Variants in CFTR observed in about 807,000 individuals in gnomAD.
CFTR encodes the protein cystic fibrosis transmembrane conductance regulator.
CFTR carries 181 observed loss-of-function variants against 171.6 expected under a neutral mutation model. That is an observed-to-expected ratio of 1.05 (90% CI 0.93 to 1.19). The LOEUF is 1.19. Ranked by LOEUF, CFTR falls within the 50% of genes most tolerant of loss-of-function variation. The pLI is 0.00. For missense variants in CFTR, 1,968 were observed against 1,734.7 expected, an observed-to-expected ratio of 1.13 and a Z score of -2.39; for synonymous variants, 583 against 608.0, an observed-to-expected ratio of 0.96 and a Z score of 0.60.
chr7:117,571,900 A>G (rs1049831223), intron 11 of CFTR, among the ~76,000 whole-genome samples: 5 of 152,146 alleles, frequency 3.3e-5, no homozygotes, highest in African/African-American at 4.8e-5. Context: ...TGCTTTTTGT[A>G]CTTTTTGTTG....
At chr7:117,494,198 C>G (rs1798203612) in intron 1 of CFTR, among the ~76,000 whole-genome samples, 1 of 152,002 alleles carries the variant, frequency 6.6e-6, no homozygotes. Flanking sequence ...TCTATTTCAC[C>G]AGTGAAGAAA....
intron 3 of CFTR, among the ~76,000 whole-genome samples, chr7:117,523,447 A>G (rs1272526825): frequency 1.3e-5 from 2 of 148,362 alleles, no homozygotes; most frequent in African/African-American, 5.0e-5. Context: ...CGCGATCTCC[A>G]CTCACTGCAA....
chr7:117,557,483 G>A (rs535850792), intron 10 of CFTR, among the ~76,000 whole-genome samples: 63 of 152,150 alleles, frequency 4.1e-4, no homozygotes, highest in African/African-American at 1.4e-3. Context: ...AACAGATAAA[G>A]TTGAATTAAA....
rs1320388257 is a variant in CFTR, at chr7:117,504,360, A to G, written c.161A>G (p.Glu54Gly). 4 of 1,490,888 alleles carry G rather than the reference A, an allele frequency of 2.7e-6. No individual in the cohort carries two copies. In the African/African-American group the frequency reaches 5.5e-5, roughly 21 times the overall value. The allele number at this position is 1,490,888 out of a possible 1,614,324, so 92.4% of individuals were successfully genotyped here. A position where few individuals can be genotyped will look rare whatever the true frequency, so the allele number is the denominator to read the frequency against. Residue 54 changes from glutamate (E) to glycine (G), a missense_variant, in exon 2 of 27, where the codon GAA (glutamate) becomes GGA (glycine). Glu to Gly is a moderately conservative substitution (Grantham distance 98). Transcript: ENST00000003084. ...DSADNLSEKL[E>G]REWDRELASK... ...GCTGACAATCTATCTGAAAAATTGG[A>G]AAGGTATGTTCATGTACATTGTTTA...
At chr7:117,627,397 C>T (rs897500747) in intron 21 of CFTR, 125 bp from the exon 22 acceptor site, 15 of 1,008,136 alleles carry the variant, frequency 1.5e-5, no homozygotes, top group African/African-American at 8.0e-5. Context: ...TTGAAAAGCC[C>T]GACAAATAAC....
intron 11 of CFTR, among the ~76,000 whole-genome samples, chr7:117,575,420 TG>T (rs1434373997): frequency 6.6e-6 from 1 of 152,156 alleles, no homozygotes; most frequent in African/African-American, 2.4e-5. Flanking sequence ...ATTATCTTTT[TG>T]GTAAGTTATT....
In CFTR at chr7:117,534,300, C is replaced by G; in HGVS notation, c.514C>G (p.Leu172Val). The change falls in exon 5 of 27, where the codon CTA (leucine) becomes GTA (valine). Residue 172 changes from leucine to valine, a missense_variant. Transcript: ENST00000003084. ...GACTTTAAAGCTGTCAAGCCGTGTTCTAGATAAAATAAGTATTGGACAACT... is the reference window on the plus strand; with the variant it reads ...GACTTTAAAGCTGTCAAGCCGTGTTGTAGATAAAATAAGTATTGGACAACT... ...KKTLKLSSRVLDKISIGQLVS... is the reference protein window; with the variant it reads ...KKTLKLSSRVVDKISIGQLVS... The G allele has an allele frequency of 1.3e-6, 2 of 1,599,740 alleles. No homozygotes were observed. Among genetic ancestry groups the G allele is most frequent in the Non-Finnish European group, 1.7e-6 (2 of 1,167,590 alleles).
chr7:117,619,058 G>T (rs186464336), intron 21 of CFTR, among the ~76,000 whole-genome samples: 176 of 152,158 alleles, frequency 1.2e-3, no homozygotes, highest in African/African-American at 4.0e-3. Flanking sequence ...TTCTATAGAT[G>T]GGGTGAAAAG....
intron 20 of CFTR, among the ~76,000 whole-genome samples, chr7:117,613,355 G>A (rs990038122): frequency 6.6e-6 from 1 of 152,176 alleles, no homozygotes; most frequent in Non-Finnish European, 1.5e-5. Context: ...ATGCTCAGCC[G>A]GAGTGGATGT....
intron 3 of CFTR, among the ~76,000 whole-genome samples, chr7:117,513,121 T>C (rs1798547497): frequency 6.6e-6 from 1 of 151,934 alleles, no homozygotes; most frequent in East Asian, 1.9e-4. Context: ...AGGAGGCAGA[T>C]TGATAAGAGG....
intron 22 of CFTR, among the ~76,000 whole-genome samples, chr7:117,641,408 G>A (rs1792910129): frequency 6.6e-6 from 1 of 152,024 alleles, no homozygotes; most frequent in African/African-American, 2.4e-5. Flanking sequence ...TAGTGAATTA[G>A]AAATTTAAAA....
In CFTR at chr7:117,591,802, A is replaced by G. The variant is rs138305526; in HGVS notation, c.1767-132A>G. Reference sequence around the variant, plus strand: ...TTAATTACTACAGAGTACTTATAGAATCATTTAAAATATAATAAAATTGTA... The same window carrying G: ...TTAATTACTACAGAGTACTTATAGAGTCATTTAAAATATAATAAAATTGTA... On this transcript the variant is annotated intron_variant, in intron 13 of 26. Transcript: ENST00000003084. 2.4e-3 allele frequency: 1,374 copies of G among 582,770 alleles called. 2 individuals carry two copies. The highest frequency in any genetic ancestry group is 3.7e-3 in the Middle Eastern group (8 of 2,146). 36.1% of individuals were successfully genotyped at this position (582,770 alleles called of 1,614,324 possible).
In CFTR at chr7:117,595,162, CAT is replaced by C. The variant is rs1247717848; in HGVS notation, c.2619+105_2619+106del. 3.6e-6 allele frequency: 3 copies of C among 822,316 alleles called. No individual in the cohort carries two copies. The African/African-American group carries it at 5.1e-5, about 14-fold the overall frequency. 50.9% of individuals were successfully genotyped at this position (822,316 alleles called of 1,614,324 possible). On this transcript the variant is annotated intron_variant, in intron 15 of 26. Transcript: ENST00000003084. ...ACACACATAAATATGTATATATACA[CAT>C]GTATACATGTATAAGTATGCATATA...
Position 117,664,752 on chromosome 7 carries a change from G to A in CFTR, c.4028G>A (p.Gly1343Asp), listed in dbSNP as rs773458471. ...CTTGACTTTGTCCTTGTGGATGGGG[G>A]CTGTGTCCTAAGCCATGGCCACAAG... ...GKLDFVLVDGGCVLSHGHKQL... is the reference protein window; with the variant it reads ...GKLDFVLVDGDCVLSHGHKQL... Residue 1343 changes from glycine to aspartate, a missense_variant, in exon 25 of 27, where the codon GGC (glycine) becomes GAC (aspartate). By Grantham distance (94) the Gly-to-Asp change is moderately conservative. Transcript: ENST00000003084. The A allele has an allele frequency of 6.2e-7, 1 of 1,613,950 alleles. No individual in the cohort carries two copies. Among genetic ancestry groups the A allele is most frequent in the Admixed American group, 1.7e-5 (1 of 60,004 alleles).
chr7:117,517,861 A>G (rs560441751), intron 3 of CFTR, among the ~76,000 whole-genome samples: 1 of 152,248 alleles, frequency 6.6e-6, no homozygotes, highest in East Asian at 1.9e-4. Flanking sequence ...TTCTTTTGAG[A>G]AGTGTCTGTT....
Position 117,535,411 on chromosome 7 carries a change from G to A in CFTR, c.743G>A (p.Arg248Lys), listed in dbSNP as rs397508792. ...CTAGGGAGAATGATGATGAAGTACAGGTAGCAACCTATTTTCATAACTTGA... is the reference window on the plus strand; with the variant it reads ...CTAGGGAGAATGATGATGAAGTACAAGTAGCAACCTATTTTCATAACTTGA... Reference protein sequence around the residue: ...AGLGRMMMKYRDQRAGKISER... With the variant: ...AGLGRMMMKYKDQRAGKISER... Residue 248 changes from arginine (R) to lysine (K), a missense_variant and splice_region_variant, in exon 6 of 27, where the codon AGA becomes AAA. Physicochemically the swap from Arg to Lys is conservative, Grantham distance 26. Coordinates refer to ENST00000003084, the MANE Select transcript of CFTR (RefSeq NM_000492.4). The A allele has an allele frequency of 3.1e-6, 5 of 1,613,836 alleles. No individual in the cohort carries two copies. The highest frequency in any genetic ancestry group is 1.7e-4 in the Middle Eastern group (1 of 6,060).
At chr7:117,547,579 A>G (rs1799167770) in intron 9 of CFTR, among the ~76,000 whole-genome samples, 1 of 152,162 alleles carries the variant, frequency 6.6e-6, no homozygotes, top group African/African-American at 2.4e-5. Flanking sequence ...TATTTCTGCA[A>G]TTTGACTCTA....
intron 1 of CFTR, among the ~76,000 whole-genome samples, chr7:117,495,346 A>G (rs1166312420): frequency 3.3e-5 from 5 of 152,168 alleles, no homozygotes; most frequent in Non-Finnish European, 5.9e-5. Context: ...GGCATCAACT[A>G]TAAATCACAA....
At chr7:117,489,814 A>C (rs1798128102) in intron 1 of CFTR, among the ~76,000 whole-genome samples, 1 of 151,912 alleles carries the variant, frequency 6.6e-6, no homozygotes, top group Non-Finnish European at 1.5e-5. Flanking sequence ...AGAATGTGTG[A>C]TTTTCTTGGT....
Sources: gnomAD v4.1 joint callset for allele counts (sites outside exome capture counted in the v4.1 genomes callset) on GRCh38, gnomAD v4.1.1 for gene constraint, MANE v1.5 for transcripts, NCBI Gene and HGNC (gene_info 2026-07-23, HGNC 2026-07-21) for gene names.